Variants in SPG21 observed in about 807,000 individuals in gnomAD.
SPG21 encodes the protein maspardin.
SPG21 carries 26 observed loss-of-function variants against 38.9 expected under a neutral mutation model. The ratio of observed to expected loss-of-function variants is 0.67; its 90% CI spans 0.49 to 0.93. The LOEUF (loss-of-function observed/expected upper bound fraction) is 0.93, where lower values mean the gene tolerates loss of function less well. Ranked by LOEUF, SPG21 falls within the 40% of genes least tolerant of loss-of-function variation. SPG21 has a pLI of 0.00. For synonymous variants in SPG21, 136 were observed against 128.9 expected (o/e 1.05, Z -0.37); for missense variants, 333 against 376.5 (o/e 0.88, Z 0.96).
chr15:64,964,146 A>C (rs1295617082), intron 8 of SPG21, among the ~76,000 whole-genome samples: 4 of 152,188 alleles, frequency 2.6e-5, no homozygotes. Context: ...CATAGTGGAC[A>C]AATGTTTTAT....
chr15:64,987,124 G>C (rs967108119), intron 1 of SPG21: 1 of 152,050 alleles, frequency 6.6e-6, no homozygotes, highest in South Asian at 2.1e-4. Flanking sequence ...ATATTCACGC[G>C]GTCATCCTCT....
chr15:64,982,613 T>C (rs1209086221), intron 2 of SPG21, among the ~76,000 whole-genome samples: 1 of 152,182 alleles, frequency 6.6e-6, no homozygotes, highest in Non-Finnish European at 1.5e-5. Flanking sequence ...CTAACACTCC[T>C]GCAAGGGAAT....
At chr15:64,989,583 G>C (rs779313260) in intron 1 of SPG21, 82 bp downstream of exon 1, 1 of 153,616 alleles carries the variant, frequency 6.5e-6, no homozygotes, top group Non-Finnish European at 1.4e-5. Context: ...CACCAACCAA[G>C]GCAGCCACGC....
chr15:64,963,820 T>G, intron 8 of SPG21, 84 bp from the exon 9 acceptor site: 1 of 1,276,808 alleles, frequency 7.8e-7, no homozygotes. Context: ...GCAGTGGCAC[T>G]ATCTTGGTTC....
intron 2 of SPG21, among the ~76,000 whole-genome samples, chr15:64,982,676 T>C (rs1176342747): frequency 6.6e-6 from 1 of 152,208 alleles, no homozygotes; most frequent in African/African-American, 2.4e-5. Context: ...TCTAGTGTGA[T>C]CCCCAAACAT....
chr15:64,981,127 G>C lies in SPG21; in HGVS notation c.64-102C>G, dbSNP rs1595878002. On this transcript the variant is annotated intron_variant, in intron 2 of 8. Transcript: ENST00000204566. ...CTGACAATTTTACTACTACTGCCTTGTTTGTTACAAGGTAACCTGGAGCTC... is the reference window on the plus strand; with the variant it reads ...CTGACAATTTTACTACTACTGCCTTCTTTGTTACAAGGTAACCTGGAGCTC... 4 of 1,418,840 alleles carry C rather than the reference G, an allele frequency of 2.8e-6. No individual in the cohort carries two copies. In the East Asian group the frequency reaches 9.7e-5, roughly 34 times the overall value. 87.9% of individuals were successfully genotyped at this position (1,418,840 alleles called of 1,614,324 possible).
chr15:64,982,711 T>G (rs1262688913), intron 2 of SPG21, among the ~76,000 whole-genome samples: 2 of 152,142 alleles, frequency 1.3e-5, no homozygotes, highest in Non-Finnish European at 2.9e-5. Flanking sequence ...GGAAGCAGAG[T>G]CAATACTCAA....
At chr15:64,969,130 G>T in intron 7 of SPG21, 125 bp downstream of exon 7, 1 of 712,386 alleles carries the variant, frequency 1.4e-6, no homozygotes, top group Non-Finnish European at 2.5e-6. Context: ...AAGCTGGAGG[G>T]TAAAAACAAA....
At chr15:64,979,964 A>G (rs1303151835) in intron 3 of SPG21, among the ~76,000 whole-genome samples, 1 of 152,178 alleles carries the variant, frequency 6.6e-6, no homozygotes, top group African/African-American at 2.4e-5. Flanking sequence ...AAACTCAGCT[A>G]TAAAGTAACA....
At position 64,963,787 on chromosome 15, in the gene SPG21, ACT is replaced by A. The variant is rs1316362342; in HGVS notation, c.811-53_811-52del. 8 of 1,544,488 alleles carry A rather than the reference ACT, an allele frequency of 5.2e-6. No individual in the cohort carries two copies. In the Admixed American group the frequency reaches 1.2e-4, roughly 23 times the overall value. ...TATTTATTTTTTGAGCTGGAGTGTC[ACT>A]CTTGTTGCCCAGGCTGGAGTGCAGT... is the stretch of plus-strand genomic sequence containing the variant. On this transcript the variant is annotated intron_variant, in intron 8 of 8. Coordinates refer to ENST00000204566, the MANE Select transcript of SPG21 (RefSeq NM_016630.7).
At chr15:64,976,704 T>C (rs2085782559) in intron 3 of SPG21, 149 bp from the exon 4 acceptor site, 1 of 643,546 alleles carries the variant, frequency 1.6e-6, no homozygotes, top group Non-Finnish European at 2.7e-6. Flanking sequence ...AAGCTCTCAC[T>C]TTTTACTAAA....
At position 64,976,499 on chromosome 15, in the gene SPG21, A is replaced by G; in HGVS notation, c.282T>C (p.Leu94=). ...HLEFCDGFRK[L]LDHLQLDKVH... is the part of the protein sequence containing the mutation. ...CTTTATCCAATTGTAAATGGTCTAA[A>G]AGTTTTCTGAATCCATCACAGAACT... Residue 94 remains leucine, a synonymous_variant, in exon 4 of 9, where the codon CTT becomes CTC. Transcript: ENST00000204566. The G allele has an allele frequency of 6.2e-7, 1 of 1,612,916 alleles. No individual in the cohort carries two copies. Among genetic ancestry groups the G allele is most frequent in the Non-Finnish European group, 8.5e-7 (1 of 1,178,990 alleles).
At chr15:64,964,833 T>A (rs2085512660) in intron 8 of SPG21, among the ~76,000 whole-genome samples, 1 of 152,138 alleles carries the variant, frequency 6.6e-6, no homozygotes, top group African/African-American at 2.4e-5. Context: ...GGTTTCACCA[T>A]ATTGGCCAGG....
chr15:64,986,531 CAA>C, intron 1 of SPG21, among the ~76,000 whole-genome samples: 1 of 151,120 alleles, frequency 6.6e-6, no homozygotes, highest in African/African-American at 2.4e-5. Context: ...ACTAAAAATA[CAA>C]AAAAAATTAG....
chr15:64,963,591 T>C lies in SPG21; in HGVS notation c.*29A>G, dbSNP rs778240424. On this transcript the variant is annotated 3_prime_UTR_variant, in exon 9 of 9. Transcript: ENST00000204566. ...ACTGACTATACAAGAACACACCGGGTCAACTCATCATTGACAGCGAGAGAC... is the reference window on the plus strand; with the variant it reads ...ACTGACTATACAAGAACACACCGGGCCAACTCATCATTGACAGCGAGAGAC... The C allele has an allele frequency of 5.1e-6, 8 of 1,576,878 alleles. 1 individual carries two copies. In the South Asian group the frequency reaches 7.8e-5, roughly 15 times the overall value.
chr15:64,988,224 AAAAC>A (rs886801449), intron 1 of SPG21, among the ~76,000 whole-genome samples: 35 of 152,038 alleles, frequency 2.3e-4, no homozygotes, highest in African/African-American at 3.4e-4. Flanking sequence ...TCTGTCTCAA[AAAAC>A]AAACAAACAA....
chr15:64,980,348 C>A (rs1358333719), intron 3 of SPG21, among the ~76,000 whole-genome samples: 1 of 152,156 alleles, frequency 6.6e-6, no homozygotes, highest in Admixed American at 6.6e-5. Context: ...AGGTTTGTTC[C>A]CTCTGAATCT....
intron 1 of SPG21, among the ~76,000 whole-genome samples, chr15:64,987,879 A>G (rs938025280): frequency 6.6e-6 from 1 of 152,214 alleles, no homozygotes; most frequent in Non-Finnish European, 1.5e-5. Context: ...TACTAAAAAT[A>G]CAAAATTAGC....
chr15:64,980,764 CAAA>C, intron 3 of SPG21, 97 bp downstream of exon 3: 1 of 1,360,506 alleles, frequency 7.4e-7, no homozygotes, highest in Non-Finnish European at 1.0e-6. Flanking sequence ...AACAAACAAA[CAAA>C]CAAACTGTGC....
Sources: allele counts gnomAD v4.1 joint callset (sites outside exome capture counted in the v4.1 genomes callset), GRCh38; gene constraint gnomAD v4.1.1; transcripts MANE v1.5; gene names NCBI Gene and HGNC (gene_info 2026-07-23, HGNC 2026-07-21).